The following CAB39L variants were observed in gnomAD, a reference collection of about 807,000 sequenced individuals.
CAB39L encodes calcium binding protein 39 like.
Under a neutral mutation model 39.1 loss-of-function variants are expected in CAB39L, and 23 were observed. The observed-to-expected ratio is 0.59, with a 90% confidence interval of 0.42 to 0.83. CAB39L has a LOEUF of 0.83. Among genes scored for constraint, CAB39L ranks in the 40% least tolerant of loss-of-function variants. The pLI is 0.00. For missense variants in CAB39L, 366 were observed against 391.9 expected, an observed-to-expected ratio of 0.93 and a Z score of 0.56; for synonymous variants, 126 against 137.2, an observed-to-expected ratio of 0.92 and a Z score of 0.57.
chr13:49,373,245 C>T (rs7335926), intron 5 of CAB39L, among the ~76,000 whole-genome samples: 81,191 of 151,892 alleles, frequency 0.53, 22,973 homozygotes, highest in African/African-American at 0.7. Flanking sequence ...ATTTCTGTTA[C>T]TTTTCTCTGC....
intron 5 of CAB39L, among the ~76,000 whole-genome samples, chr13:49,365,912 A>G (rs1955757807): frequency 6.6e-6 from 1 of 152,364 alleles, no homozygotes; most frequent in East Asian, 1.9e-4. Flanking sequence ...CCAAAAACAG[A>G]TGAGAAAATG....
intron 3 of CAB39L, among the ~76,000 whole-genome samples, chr13:49,406,627 T>C (rs561009896): frequency 6.6e-6 from 1 of 152,088 alleles, no homozygotes; most frequent in Non-Finnish European, 1.5e-5. Context: ...ACCCTAAAAA[T>C]TAAAATTTTG....
chr13:49,441,465 G>T (rs1014811031), intron 1 of CAB39L, among the ~76,000 whole-genome samples: 2 of 151,844 alleles, frequency 1.3e-5, no homozygotes, highest in Non-Finnish European at 2.9e-5. Flanking sequence ...TACTCTTGAG[G>T]CTGAGGAGGG....
In CAB39L at chr13:49,381,039, G is replaced by C. The variant is rs537033996; in HGVS notation, c.111+1761C>G. On this transcript the variant is annotated intron_variant, in intron 4 of 10. Coordinates refer to ENST00000409308, the MANE Select transcript of CAB39L (RefSeq NM_001079670.3). ...GCCTCCTGCGTTCAAGCGATTCTCC[G>C]GCCTCATCCTCCCTGGTAGCTGGGA... Among the ~76,000 whole-genome samples, 4 of 152,140 alleles carry C rather than the reference G, an allele frequency of 2.6e-5. No individual in the cohort carries two copies. In the South Asian group the frequency reaches 8.3e-4, roughly 32 times the overall value.
chr13:49,317,713 A>G (rs1418989017), intron 10 of CAB39L, among the ~76,000 whole-genome samples: 15 of 152,204 alleles, frequency 9.9e-5, no homozygotes, highest in Admixed American at 3.9e-4. Flanking sequence ...GGATTTGGCA[A>G]TGGTTTCTTA....
intron 3 of CAB39L, among the ~76,000 whole-genome samples, chr13:49,391,382 T>C (rs141533864): frequency 2.0e-5 from 3 of 152,282 alleles, no homozygotes; most frequent in African/African-American, 7.2e-5. Flanking sequence ...AGTAAGCAGT[T>C]GAGCAAAGAA....
chr13:49,325,737 C>T (rs998323789), intron 10 of CAB39L, among the ~76,000 whole-genome samples: 1 of 151,906 alleles, frequency 6.6e-6, no homozygotes, highest in Non-Finnish European at 1.5e-5. Flanking sequence ...TGCGGTGAGC[C>T]GAGATCATGC....
At chr13:49,407,898 G>A (rs1390798458) in intron 3 of CAB39L, among the ~76,000 whole-genome samples, 1 of 149,104 alleles carries the variant, frequency 6.7e-6, no homozygotes, top group African/African-American at 2.5e-5. Flanking sequence ...CAAAAATTTA[G>A]TATGCCAGAA....
At chr13:49,344,311 T>A (rs979978064) in intron 7 of CAB39L, 73 bp from the exon 8 acceptor site, 6 of 841,674 alleles carry the variant, frequency 7.1e-6, no homozygotes, top group Non-Finnish European at 9.7e-6. Context: ...TTTCTAAGGT[T>A]TAAGAACATA....
intron 8 of CAB39L, among the ~76,000 whole-genome samples, chr13:49,342,565 C>T (rs1317817072): frequency 6.6e-6 from 1 of 152,124 alleles, no homozygotes; most frequent in Non-Finnish European, 1.5e-5. Flanking sequence ...TGTTAGGTGT[C>T]AGGCACTAGA....
chr13:49,329,545 ATATATATATATATATATATATATATAT>A (rs869155998), intron 10 of CAB39L, among the ~76,000 whole-genome samples: 21,753 of 84,586 alleles, frequency 0.26, 3,853 homozygotes, highest in Non-Finnish European at 0.31. Context: ...AAAAAAAAAA[ATATATATATATATATATATATATATAT>A]ATATATATAT....
chr13:49,415,235 G>A (rs1594080676), intron 3 of CAB39L, among the ~76,000 whole-genome samples: 1 of 150,436 alleles, frequency 6.6e-6, no homozygotes, highest in Admixed American at 6.7e-5. Context: ...TAAAAAATGT[G>A]GCCAGGCGCG....
intron 3 of CAB39L, among the ~76,000 whole-genome samples, chr13:49,417,422 G>A (rs911356947): frequency 1.3e-5 from 2 of 151,982 alleles, no homozygotes; most frequent in African/African-American, 2.4e-5. Flanking sequence ...ACTAATTCCC[G>A]CAAATATGAC....
intron 3 of CAB39L, among the ~76,000 whole-genome samples, chr13:49,429,136 T>C (rs1957283740): frequency 6.6e-6 from 1 of 152,208 alleles, no homozygotes; most frequent in Admixed American, 6.5e-5. Context: ...ACTTTACAGA[T>C]AAGAAACATG....
intron 10 of CAB39L, among the ~76,000 whole-genome samples, chr13:49,320,650 G>A (rs980145673): frequency 1.3e-5 from 2 of 152,110 alleles, no homozygotes; most frequent in Non-Finnish European, 2.9e-5. Flanking sequence ...TTTGATGCGT[G>A]CTGCAAGCCT....
chr13:49,401,423 T>C (rs1365104638), intron 3 of CAB39L: 2 of 152,238 alleles, frequency 1.3e-5, no homozygotes, highest in East Asian at 3.9e-4. Context: ...TCCACTCTCT[T>C]TGCTTGCTCT....
chr13:49,331,647 G>A (rs1954703308), intron 10 of CAB39L, among the ~76,000 whole-genome samples: 1 of 152,146 alleles, frequency 6.6e-6, no homozygotes, highest in Non-Finnish European at 1.5e-5. Context: ...ATTCAAGGCC[G>A]ACACTCAGGG....
chr13:49,351,337 A>G (rs1216029997), intron 6 of CAB39L, among the ~76,000 whole-genome samples: 2 of 151,648 alleles, frequency 1.3e-5, no homozygotes, highest in Non-Finnish European at 2.9e-5. Flanking sequence ...ACTCAAGGAA[A>G]AGGCAAAATG....
chr13:49,387,799 A>G (rs1424278598), intron 3 of CAB39L, among the ~76,000 whole-genome samples: 2 of 152,234 alleles, frequency 1.3e-5, no homozygotes, highest in Non-Finnish European at 2.9e-5. Context: ...GACTGAAAAT[A>G]CACACATATA....
Sources: gnomAD v4.1 joint callset for allele counts (sites outside exome capture counted in the v4.1 genomes callset) on GRCh38, gnomAD v4.1.1 for gene constraint, MANE v1.5 for transcripts, NCBI Gene and HGNC (gene_info 2026-07-23, HGNC 2026-07-21) for gene names.